The following CSMD1 variants were observed in gnomAD, a reference collection of about 807,000 sequenced individuals.
The protein encoded by CSMD1 is CUB and sushi domain-containing protein 1.
In CSMD1, 213 loss-of-function variants were observed where a neutral mutation model predicts 417.5. The ratio of observed to expected loss-of-function variants is 0.51; its 90% CI spans 0.46 to 0.57. The LOEUF is 0.57. CSMD1 is among the 20% of genes least tolerant of loss of function. CSMD1 has a pLI of 0.00. For synonymous variants in CSMD1, 2,862 were observed against 1,736.8 expected, an observed-to-expected ratio of 1.65 and a Z score of -16.11; for missense variants, 6,923 against 4,529.7, an observed-to-expected ratio of 1.53 and a Z score of -15.17.
intron 7 of CSMD1, among the ~76,000 whole-genome samples, chr8:3,645,098 G>C (rs2060882181): frequency 6.7e-6 from 1 of 150,206 alleles, no homozygotes; most frequent in African/African-American, 2.5e-5. Flanking sequence ...CACAACTTCT[G>C]TCCTGAAGCC....
intron 3 of CSMD1, among the ~76,000 whole-genome samples, chr8:4,206,205 T>C (rs572199058): frequency 6.6e-6 from 1 of 152,200 alleles, no homozygotes; most frequent in Non-Finnish European, 1.5e-5. Context: ...CTTTTTCTTT[T>C]TTTAAATACT....
chr8:4,489,978 T>C (rs1801618598), intron 2 of CSMD1, among the ~76,000 whole-genome samples: 1 of 151,946 alleles, frequency 6.6e-6, no homozygotes, highest in Non-Finnish European at 1.5e-5. Context: ...TGAATGCCAA[T>C]TGCCTTTGCC....
chr8:3,541,368 G>C, intron 10 of CSMD1, among the ~76,000 whole-genome samples: 1 of 152,096 alleles, frequency 6.6e-6, no homozygotes, highest in Non-Finnish European at 1.5e-5. Context: ...ATGCACTGGG[G>C]CCTGTTGAGG....
chr8:4,786,650 AT>A (rs1797417992), intron 1 of CSMD1, among the ~76,000 whole-genome samples: 1 of 152,212 alleles, frequency 6.6e-6, no homozygotes, highest in Non-Finnish European at 1.5e-5. Flanking sequence ...CCTGAATCCA[AT>A]CTAGAATACG....
chr8:4,311,442 T>G (rs10108639), intron 3 of CSMD1, among the ~76,000 whole-genome samples: 90,650 of 152,046 alleles, frequency 0.6, 27,749 homozygotes, highest in Non-Finnish European at 0.63. Context: ...GGAATCTAAG[T>G]CTGGACATCG....
intron 3 of CSMD1, among the ~76,000 whole-genome samples, chr8:4,156,457 T>C (rs1796839845): frequency 6.6e-6 from 1 of 152,216 alleles, no homozygotes; most frequent in Non-Finnish European, 1.5e-5. Flanking sequence ...CTATTGGTGC[T>C]AACTCTTTTA....
rs146537858 is a variant in CSMD1, at chr8:4,902,401, A to G, written c.85+91931T>C. ...GCAGTGACCCATGATTGTGCCACTT[A>G]GCAACAGAACAAGAACCCATCTCTA... On this transcript the variant is annotated intron_variant, in intron 1 of 69. Coordinates refer to ENST00000635120, the MANE Select transcript of CSMD1 (RefSeq NM_033225.6). Among the ~76,000 whole-genome samples, 978 of 151,510 alleles carry G rather than the reference A, an allele frequency of 6.5e-3. 12 individuals carry two copies. Among genetic ancestry groups the G allele is most frequent in the African/African-American group, 0.022 (932 of 41,426 alleles).
Position 4,708,861 on chromosome 8 carries a change from G to A in CSMD1, c.86-71303C>T, listed in dbSNP as rs188001617. Among the ~76,000 whole-genome samples, 740 of 152,234 alleles carry A rather than the reference G, an allele frequency of 4.9e-3. 9 individuals are homozygous for A. The highest frequency in any genetic ancestry group is 0.016 in the African/African-American group (660 of 41,518). On this transcript the variant is annotated intron_variant, in intron 1 of 69. Transcript: ENST00000635120. ...TCCGACATGACTGGTGTTGTTATAA[G>A]AAAGGGAAATTAGAATTCAAAACAC...
chr8:4,767,612 G>A (rs767517270), intron 1 of CSMD1, among the ~76,000 whole-genome samples: 16 of 152,028 alleles, frequency 1.1e-4, no homozygotes, highest in African/African-American at 1.9e-4. Context: ...TAGGACCTGC[G>A]ACCTGCTATT....
Position 3,256,016 on chromosome 8 carries a change from A to G in CSMD1, c.4154-25785T>C, listed in dbSNP as rs371578026. Among the ~76,000 whole-genome samples, 6 of 152,098 alleles carry G rather than the reference A, an allele frequency of 3.9e-5. No homozygotes were observed. In the East Asian group the frequency reaches 7.7e-4, roughly 20 times the overall value. On this transcript the variant is annotated intron_variant, in intron 26 of 69. Coordinates refer to ENST00000635120, the MANE Select transcript of CSMD1 (RefSeq NM_033225.6). ...ATTCGGCCATCTTGGCTCCCATCCA[A>G]GTACACATTTTTATAGAAGACAATG...
intron 1 of CSMD1, among the ~76,000 whole-genome samples, chr8:4,916,846 T>C (rs1245666638): frequency 6.6e-6 from 1 of 152,264 alleles, no homozygotes; most frequent in African/African-American, 2.4e-5. Flanking sequence ...GAGAATATTT[T>C]ACTTTTGCAA....
At chr8:3,804,796 C>G (rs1196324985) in intron 5 of CSMD1, among the ~76,000 whole-genome samples, 1 of 152,248 alleles carries the variant, frequency 6.6e-6, no homozygotes, top group East Asian at 1.9e-4. Flanking sequence ...GTTTGGTAAT[C>G]TAATTATTCA....
intron 3 of CSMD1, among the ~76,000 whole-genome samples, chr8:4,110,188 G>C (rs192114922): frequency 6.6e-6 from 1 of 152,004 alleles, no homozygotes; most frequent in African/African-American, 2.4e-5. Context: ...CATATCTAAA[G>C]AATAAAATTT....
chr8:4,125,121 G>A (rs201243277), intron 3 of CSMD1, among the ~76,000 whole-genome samples: 3 of 5,124 alleles, frequency 5.9e-4, no homozygotes, highest in Non-Finnish European at 0.015. Flanking sequence ...CACTTCCATC[G>A]AGAAAAAAAC....
At chr8:3,439,273 C>A in intron 12 of CSMD1, among the ~76,000 whole-genome samples, 1 of 88,230 alleles carries the variant, frequency 1.1e-5, no homozygotes, top group African/African-American at 4.4e-5. Flanking sequence ...GAGCATTTGG[C>A]AATGTCAGTA....
chr8:3,314,161 C>A (rs1414266367), intron 23 of CSMD1, among the ~76,000 whole-genome samples: 2 of 152,112 alleles, frequency 1.3e-5, no homozygotes, highest in East Asian at 3.9e-4. Context: ...AGGAGATATA[C>A]CTAATGTTAA....
intron 4 of CSMD1, among the ~76,000 whole-genome samples, chr8:3,999,885 T>C (rs932966199): frequency 1.3e-5 from 2 of 152,162 alleles, no homozygotes; most frequent in African/African-American, 4.8e-5. Flanking sequence ...GGGCTGCCCA[T>C]GTTTTGTAGG....
chr8:4,131,617 T>C (rs1399426119), intron 3 of CSMD1, among the ~76,000 whole-genome samples: 2 of 152,176 alleles, frequency 1.3e-5, no homozygotes, highest in East Asian at 1.9e-4. Flanking sequence ...CACTTGAGAA[T>C]AGGTACAGCT....
At chr8:4,935,787 A>G (rs1474606917) in intron 1 of CSMD1, among the ~76,000 whole-genome samples, 1 of 152,248 alleles carries the variant, frequency 6.6e-6, no homozygotes, top group African/African-American at 2.4e-5. Context: ...GACGAGGAAT[A>G]CAAGAATAGG....
Sources: gnomAD v4.1 joint callset for allele counts (sites outside exome capture counted in the v4.1 genomes callset) on GRCh38, gnomAD v4.1.1 for gene constraint, MANE v1.5 for transcripts, NCBI Gene and HGNC (gene_info 2026-07-23, HGNC 2026-07-21) for gene names.